EMP2: variants seen among roughly 807,000 people sequenced by gnomAD.
The protein encoded by EMP2 is epithelial membrane protein 2.
EMP2 carries 19 observed loss-of-function variants against 13.7 expected under a neutral mutation model. That is an observed-to-expected ratio of 1.38 (90% CI 0.97 to 2.03). The LOEUF is 2.03. Among genes scored for constraint, EMP2 ranks in the 30% most tolerant of loss-of-function variants. EMP2 has a pLI of 0.00. For synonymous variants in EMP2, 97 were observed against 84.7 expected (o/e 1.15, Z -0.80); for missense variants, 253 against 220.7 (o/e 1.15, Z -0.93).
Position 10,561,915 on chromosome 16 carries a change from T to C in EMP2, c.-60-14238A>G, listed in dbSNP as rs1268465450. ...GGCAATAAAAGGAGAAAAAAAAGGG[T>C]TTATCCAGGGCCTGGAGTCTCTTCT... On this transcript the variant is annotated intron_variant, in intron 1 of 4. Coordinates refer to ENST00000359543, the MANE Select transcript of EMP2 (RefSeq NM_001424.6). Among the ~76,000 whole-genome samples, 4 of 152,084 alleles carry C rather than the reference T, an allele frequency of 2.6e-5. No individual in the cohort carries two copies. In the East Asian group the frequency reaches 5.8e-4, roughly 22 times the overall value.
chr16:10,565,351 G>A (rs927960114), intron 1 of EMP2, among the ~76,000 whole-genome samples: 3 of 152,134 alleles, frequency 2.0e-5, no homozygotes, highest in South Asian at 4.1e-4. Flanking sequence ...CCTCCCTAAC[G>A]GGCTATGCCT....
chr16:10,535,216 C>T (rs1034990574), intron 4 of EMP2, among the ~76,000 whole-genome samples: 1 of 152,120 alleles, frequency 6.6e-6, no homozygotes, highest in Admixed American at 6.5e-5. Flanking sequence ...TGAAGCAGAA[C>T]AGGGAGGGCC....
Position 10,543,751 on chromosome 16 carries a change from A to G in EMP2, c.79-91T>C, listed in dbSNP as rs60094967. 83,906 of 1,234,776 alleles carry G rather than the reference A, an allele frequency of 0.068. 4,878 individuals are homozygous for G. Among genetic ancestry groups the G allele is most frequent in the African/African-American group, 0.26 (17,343 of 66,986 alleles). 76.5% of individuals were successfully genotyped at this position (1,234,776 alleles called of 1,614,324 possible). On this transcript the variant is annotated intron_variant, in intron 2 of 4. Coordinates refer to ENST00000359543, the MANE Select transcript of EMP2 (RefSeq NM_001424.6). ...TAGGCACGAGGCATGGTGGGCTTCC[A>G]GGATTCTCAAACTGCAACACATGTG...
At chr16:10,545,974 G>A (rs1232995852) in intron 2 of EMP2, 1 of 152,222 alleles carries the variant, frequency 6.6e-6, no homozygotes, top group Non-Finnish European at 1.5e-5. Context: ...AGGACCAGGA[G>A]CCTCTGGAAT....
In EMP2 at chr16:10,547,756, C is replaced by T. The variant is rs2050751029; in HGVS notation, c.-60-79G>A. The stretch of plus-strand genomic sequence containing the variant: ...ACAATAAAAAATAAACACCTTTTAG[C>T]TGGGCGTGGTGGCTCATGCCTATAA... On this transcript the variant is annotated intron_variant, in intron 1 of 4. Transcript: ENST00000359543. 3 of 827,212 alleles carry T rather than the reference C, an allele frequency of 3.6e-6. No homozygotes were observed. In the South Asian group the frequency reaches 5.4e-5, roughly 15 times the overall value. 51.2% of individuals were successfully genotyped at this position (827,212 alleles called of 1,614,324 possible). A position where few individuals can be genotyped will look rare whatever the true frequency, so the allele number is the denominator to read the frequency against.
chr16:10,579,822 G>A (rs908800329), intron 1 of EMP2, among the ~76,000 whole-genome samples: 3 of 152,100 alleles, frequency 2.0e-5, no homozygotes, highest in East Asian at 1.9e-4. Context: ...TGGTGTCTTC[G>A]GAGTCCCCAT....
At chr16:10,578,785 G>A (rs1403979837) in intron 1 of EMP2, among the ~76,000 whole-genome samples, 1 of 152,254 alleles carries the variant, frequency 6.6e-6, no homozygotes, top group African/African-American at 2.4e-5. Flanking sequence ...TGGGATGGAG[G>A]TGGTGAGATC....
intron 1 of EMP2, among the ~76,000 whole-genome samples, chr16:10,552,315 C>A (rs2050794466): frequency 6.6e-6 from 1 of 152,034 alleles, no homozygotes; most frequent in East Asian, 1.9e-4. Context: ...GGACATGTAA[C>A]TAAAACTTTC....
Position 10,538,013 on chromosome 16 carries a change from G to A in EMP2, c.231C>T (p.Ile77=), listed in dbSNP as rs199911124. ...TMILSTILCC[I]AFFIFVLQLF... ...GCTGGAGCACGAAGATGAAGAAGGCGATGCAGCAGAGAATGGTGGAGAGGA... is the reference window on the plus strand; with the variant it reads ...GCTGGAGCACGAAGATGAAGAAGGCAATGCAGCAGAGAATGGTGGAGAGGA... The change falls in exon 4 of 5, where the codon ATC becomes ATT. Residue 77 remains isoleucine, a synonymous_variant. Coordinates refer to ENST00000359543, the MANE Select transcript of EMP2 (RefSeq NM_001424.6). 1.5e-5 allele frequency: 24 copies of A among 1,614,124 alleles called. No homozygotes were observed. Among genetic ancestry groups the A allele is most frequent in the African/African-American group, 4.0e-5 (3 of 75,044 alleles).
At chr16:10,567,200 C>T (rs1214060093) in intron 1 of EMP2, among the ~76,000 whole-genome samples, 4 of 152,190 alleles carry the variant, frequency 2.6e-5, no homozygotes, top group Non-Finnish European at 5.9e-5. Context: ...GGATTTATGT[C>T]GGTCTCATCA....
At position 10,532,422 on chromosome 16, in the gene EMP2, C is replaced by G. The variant is rs2050610925; in HGVS notation, c.*483G>C. ...CTCACTTGGAACTTGGGTGAAACCT[C>G]TCAGGAAGCTGTCATTCTTCTCCTA... On this transcript the variant is annotated 3_prime_UTR_variant, in exon 5 of 5. Transcript: ENST00000359543. 6.6e-6 allele frequency: 1 copy of G among 152,520 alleles called. No individual in the cohort carries two copies. The highest frequency in any genetic ancestry group is 1.5e-5 in the Non-Finnish European group (1 of 68,318). The allele number at this position is 152,520 out of a possible 1,614,324, so 9.4% of individuals were successfully genotyped here. A position where few individuals can be genotyped will look rare whatever the true frequency, so the allele number is the denominator to read the frequency against.
intron 1 of EMP2, among the ~76,000 whole-genome samples, chr16:10,562,336 TTCTCTC>T (rs540802206): frequency 0.16 from 20,018 of 124,030 alleles, 1,447 homozygotes; most frequent in African/African-American, 0.22. Context: ...CTCATGCATG[TTCTCTC>T]TCTCTCTCTC....
rs186738834 is a variant in EMP2 at position 10,530,230 on chromosome 16, A to T, written c.*2675T>A. 1.3e-5 allele frequency: 2 copies of T among 152,386 alleles called. No homozygotes were observed. Among genetic ancestry groups the T allele is most frequent in the East Asian group, 3.9e-4 (2 of 5,182 alleles). The allele number at this position is 152,386 out of a possible 1,614,324, so 9.4% of individuals were successfully genotyped here. A position where few individuals can be genotyped will look rare whatever the true frequency, so the allele number is the denominator to read the frequency against. On this transcript the variant is annotated 3_prime_UTR_variant, in exon 5 of 5. Transcript: ENST00000359543. ...CAAACTTCATGATGGCAGGGAGGAT[A>T]TCTGGATTTGCTCACCCCTGTATTT...
At chr16:10,540,507 A>AAAATAAATAAATAAAT (rs112860854) in intron 3 of EMP2, among the ~76,000 whole-genome samples, 14,092 of 147,174 alleles carry the variant, frequency 0.096, 1,058 homozygotes, top group South Asian at 0.2. Flanking sequence ...CTCTGTCTCA[A>AAAATAAATAAATAAAT]AAATAAATAA....
At chr16:10,556,866 T>A (rs1173789107) in intron 1 of EMP2, among the ~76,000 whole-genome samples, 1 of 152,208 alleles carries the variant, frequency 6.6e-6, no homozygotes, top group Non-Finnish European at 1.5e-5. Context: ...TCCTCTCACA[T>A]GCTTAGGGCC....
chr16:10,536,086 ACT>A (rs1479961977), intron 4 of EMP2, among the ~76,000 whole-genome samples: 3 of 151,836 alleles, frequency 2.0e-5, no homozygotes, highest in Non-Finnish European at 2.9e-5. Flanking sequence ...ACTTGAAAAC[ACT>A]CTCATTCTCC....
intron 4 of EMP2, among the ~76,000 whole-genome samples, chr16:10,536,880 C>G (rs1293316304): frequency 6.6e-6 from 1 of 152,178 alleles, no homozygotes; most frequent in Non-Finnish European, 1.5e-5. Flanking sequence ...ATGGGCCTCC[C>G]AAAGTGCTCC....
At chr16:10,556,909 C>A (rs1279515062) in intron 1 of EMP2, among the ~76,000 whole-genome samples, 2 of 152,192 alleles carry the variant, frequency 1.3e-5, no homozygotes, top group Admixed American at 6.5e-5. Flanking sequence ...TAATTAAGAT[C>A]AGCAGAGAGG....
rs532256124 is a variant in EMP2 at position 10,532,307 on chromosome 16, G to C, written c.*598C>G. 46 of 153,712 alleles carry C rather than the reference G, an allele frequency of 3.0e-4. No homozygotes were observed. Among genetic ancestry groups the C allele is most frequent in the African/African-American group, 1.1e-3 (44 of 41,580 alleles). The allele number at this position is 153,712 out of a possible 1,614,324, so 9.5% of individuals were successfully genotyped here. ...GCAGGTGACACTGTCGGCAAATTGA[G>C]GTGAGACTTTTTCTGACCCACCCCG... On this transcript the variant is annotated 3_prime_UTR_variant, in exon 5 of 5. Transcript: ENST00000359543.
Sources: allele counts gnomAD v4.1 joint callset (sites outside exome capture counted in the v4.1 genomes callset), GRCh38; gene constraint gnomAD v4.1.1; transcripts MANE v1.5; gene names NCBI Gene and HGNC (gene_info 2026-07-23, HGNC 2026-07-21).